KRT7: variants seen among roughly 807,000 people sequenced by gnomAD.
The protein encoded by KRT7 is keratin, type II cytoskeletal 7.
A neutral mutation model predicts 42.8 loss-of-function variants in KRT7; 50 were observed. That is an observed-to-expected ratio of 1.17 (90% CI 0.93 to 1.48). The LOEUF is 1.48. Among genes scored for constraint, KRT7 ranks in the 40% most tolerant of loss-of-function variants. KRT7 has a pLI of 0.00. For missense variants in KRT7, 588 were observed against 637.6 expected, an observed-to-expected ratio of 0.92 and a Z score of 0.84; for synonymous variants, 268 against 266.3, an observed-to-expected ratio of 1.01 and a Z score of -0.06.
chr12:52,251,747 C>T (rs1365973738), downstream of KRT7: 2 of 349,638 alleles, frequency 5.7e-6, no homozygotes, highest in Non-Finnish European at 1.1e-5. Flanking sequence ...ACTATAAGCA[C>T]TCACTGCCCC....
At position 52,237,642 on chromosome 12, in the gene KRT7, T is replaced by C. The variant is rs915405571; in HGVS notation, c.597+73T>C. ...CAAAGGACCACAGGATCCTCTCACC[T>C]GAGCAGCCCATGGGGACCTCTGGCC... On this transcript the variant is annotated intron_variant, in intron 3 of 8. Coordinates refer to ENST00000331817, the MANE Select transcript of KRT7 (RefSeq NM_005556.4). The C allele has an allele frequency of 3.8e-6, 5 of 1,332,582 alleles. No individual in the cohort carries two copies. In the African/African-American group the frequency reaches 5.8e-5, roughly 15 times the overall value. The allele number at this position is 1,332,582 out of a possible 1,614,324, so 82.5% of individuals were successfully genotyped here.
At chr12:52,252,533 G>T, downstream of KRT7, 1 of 1,598,270 alleles carries the variant, frequency 6.3e-7, no homozygotes. Flanking sequence ...TTCAGGGTCA[G>T]AGGCCAGGTA....
intron 6 of KRT7, chr12:52,244,421 T>A: frequency 3.0e-6 from 3 of 985,604 alleles, no homozygotes; most frequent in African/African-American, 3.5e-5. Context: ...AGGGGCGTCA[T>A]GGGGAGCTAC....
chr12:52,247,277 G>A (rs1942188585), intron 7 of KRT7: 1 of 152,162 alleles, frequency 6.6e-6, no homozygotes, highest in Non-Finnish European at 1.5e-5. Context: ...TCGAGTTGCT[G>A]CCTGACTGCA....
chr12:52,235,373 C>T lies in KRT7; in HGVS notation c.536+7C>T, dbSNP rs376304455. 2.1e-5 allele frequency: 33 copies of T among 1,597,692 alleles called. No individual in the cohort carries two copies. The African/African-American group carries it at 4.0e-4, about 19-fold the overall frequency. On this transcript the variant is annotated splice_region_variant and intron_variant, in intron 2 of 8. Coordinates refer to ENST00000331817, the MANE Select transcript of KRT7 (RefSeq NM_005556.4). ...TGGAGGACTTCAAGAATAAGTAATGCCCCCTGTGCCACATGCGAAGACCCC... is the reference window on the plus strand; with the variant it reads ...TGGAGGACTTCAAGAATAAGTAATGTCCCCTGTGCCACATGCGAAGACCCC...
chr12:52,239,126 TG>T, intron 4 of KRT7, among the ~76,000 whole-genome samples: 1 of 152,242 alleles, frequency 6.6e-6, no homozygotes, highest in South Asian at 2.1e-4. Flanking sequence ...GGGCTTTAGG[TG>T]TTTTTTTTTA....
In KRT7 at chr12:52,248,138, A is replaced by G. The variant is rs1296165441; in HGVS notation, c.1206-39A>G. On this transcript the variant is annotated intron_variant, in intron 7 of 8. Coordinates refer to ENST00000331817, the MANE Select transcript of KRT7 (RefSeq NM_005556.4). ...GCTGAGAGCGCTTCCCTCCCACGCT[A>G]GGAAAGAGCCGTCCTCACTGTCTGT... 5 of 1,608,564 alleles carry G rather than the reference A, an allele frequency of 3.1e-6. No homozygotes were observed. The South Asian group carries it at 3.3e-5, about 11-fold the overall frequency.
chr12:52,247,931 AG>A (rs1942200166), intron 7 of KRT7: 1 of 560,834 alleles, frequency 1.8e-6, no homozygotes, highest in African/African-American at 1.9e-5. Flanking sequence ...CCCAAGGCAT[AG>A]GTGGGAAATG....
downstream of KRT7, chr12:52,250,513 G>T (rs984821413): frequency 2.6e-6 from 2 of 767,114 alleles, no homozygotes; most frequent in South Asian, 1.5e-5. Flanking sequence ...TGGCCGCAGG[G>T]CGCACACAGG....
chr12:52,234,546 C>T (rs889469623), intron 1 of KRT7, among the ~76,000 whole-genome samples: 2 of 152,118 alleles, frequency 1.3e-5, no homozygotes, highest in Non-Finnish European at 2.9e-5. Flanking sequence ...GCTCCAGGCC[C>T]AGGTTCCCCC....
rs1043576587 is a variant in KRT7, at chr12:52,233,413, C to T, written c.117C>T (p.Leu39=). ...ARPGGLGSSS[L]YGLGASRPRV... ...CCGGCGGCCTTGGCAGCAGCAGCCT[C>T]TACGGCCTCGGCGCCTCACGGCCGC... is the stretch of plus-strand genomic sequence containing the variant. Residue 39 remains leucine (L), a synonymous_variant, in exon 1 of 9, where the codon CTC becomes CTT. Coordinates refer to ENST00000331817, the MANE Select transcript of KRT7 (RefSeq NM_005556.4). 1 of 1,562,640 alleles carries T rather than the reference C, an allele frequency of 6.4e-7. No homozygotes were observed. Among genetic ancestry groups the T allele is most frequent in the African/African-American group, 1.4e-5 (1 of 69,942 alleles).
chr12:52,247,957 T>A, intron 7 of KRT7: 1 of 585,800 alleles, frequency 1.7e-6, no homozygotes, highest in Non-Finnish European at 3.1e-6. Context: ...CCCTGAGACA[T>A]TGCCTGGGGT....
At chr12:52,246,622 G>A (rs889712296) in intron 7 of KRT7, among the ~76,000 whole-genome samples, 5 of 152,134 alleles carry the variant, frequency 3.3e-5, no homozygotes. Context: ...AGAGGAGGAG[G>A]AAGGGGCTTT....
At chr12:52,252,364 T>C (rs113480372), downstream of KRT7, 12,551 of 1,614,056 alleles carry the variant, frequency 7.8e-3, 778 homozygotes, top group African/African-American at 0.14. Flanking sequence ...AGGCAGGCCA[T>C]GTCCTGCTTG....
rs769784859 is a variant in KRT7 at position 52,233,355 on chromosome 12, G to T, written c.59G>T (p.Arg20Leu). The change falls in exon 1 of 9, where the codon CGC becomes CTC. Residue 20 changes from arginine to leucine, a missense_variant. By Grantham distance (102) the Arg-to-Leu change is moderately radical. Coordinates refer to ENST00000331817, the MANE Select transcript of KRT7 (RefSeq NM_005556.4). ...FTSRSAAFSG[R>L]GAQVRLSSAR... is the part of the protein sequence containing the mutation. ...TCGCGCTCAGCCGCCTTCTCGGGCC[G>T]CGGCGCCCAGGTGCGCCTGAGCTCC... The T allele has an allele frequency of 6.4e-7, 1 of 1,571,652 alleles. No homozygotes were observed. The highest frequency in any genetic ancestry group is 8.6e-7 in the Non-Finnish European group (1 of 1,164,230).
chr12:52,241,533 G>C lies in KRT7; in HGVS notation c.755G>C (p.Ser252Thr). ...DTSVVLSMDN[S>T]RSLDLDGIIA... ...TCTGTGGTGCTGTCCATGGACAACA[G>C]TCGCTCCCTGGACCTGGACGGCATC... The change falls in exon 5 of 9, where the codon AGT becomes ACT. Residue 252 changes from serine (S) to threonine (T), a missense_variant. By Grantham distance (58) the Ser-to-Thr change is moderately conservative. Transcript: ENST00000331817. 2 of 1,613,930 alleles carry C rather than the reference G, an allele frequency of 1.2e-6. No individual in the cohort carries two copies. Among genetic ancestry groups the C allele is most frequent in the South Asian group, 2.2e-5 (2 of 91,044 alleles).
chr12:52,235,488 C>T (rs1033011583), intron 2 of KRT7, 122 bp downstream of exon 2: 3 of 756,952 alleles, frequency 4.0e-6, no homozygotes, highest in Non-Finnish European at 6.3e-6. Context: ...TCCAATAACT[C>T]CCTGAGGGGC....
downstream of KRT7, among the ~76,000 whole-genome samples, chr12:52,255,181 G>C (rs1306637676): frequency 6.6e-6 from 1 of 152,226 alleles, no homozygotes; most frequent in Non-Finnish European, 1.5e-5. Flanking sequence ...CTGGGGAAAG[G>C]AACAGAAAGA....
Position 52,243,031 on chromosome 12 carries a change from A to C in KRT7, c.878A>C (p.Gln293Pro). ...CTCCAGTTTGAGACCCTCCAGGCCC[A>C]GGCTGGGAAGCATGGGGACGACCTC... The part of the protein sequence containing the change: ...YQTKFETLQA[Q>P]AGKHGDDLRN... The change falls in exon 6 of 9, where the codon CAG becomes CCG. Residue 293 changes from glutamine to proline, a missense_variant. Coordinates refer to ENST00000331817, the MANE Select transcript of KRT7 (RefSeq NM_005556.4). 1.2e-6 allele frequency: 2 copies of C among 1,613,636 alleles called. No homozygotes were observed. The highest frequency in any genetic ancestry group is 8.5e-7 in the Non-Finnish European group (1 of 1,179,730).
Sources: gnomAD v4.1 joint callset for allele counts (sites outside exome capture counted in the v4.1 genomes callset) on GRCh38, gnomAD v4.1.1 for gene constraint, MANE v1.5 for transcripts, NCBI Gene and HGNC (gene_info 2026-07-23, HGNC 2026-07-21) for gene names.